The following MOB3B variants were observed in gnomAD, a reference collection of about 807,000 sequenced individuals.
MOB3B encodes MOB kinase activator-like 2B.
In MOB3B, 7 loss-of-function variants were observed where a neutral mutation model predicts 18.7. The observed-to-expected ratio is 0.37, with a 90% CI of 0.21 to 0.70. MOB3B has a LOEUF of 0.70. MOB3B is among the 30% of genes least tolerant of loss of function. The pLI is 0.52. For synonymous variants in MOB3B, 111 were observed against 99.9 expected, an observed-to-expected ratio of 1.11 and a Z score of -0.66; for missense variants, 253 against 281.3, an observed-to-expected ratio of 0.90 and a Z score of 0.72.
At chr9:27,343,719 T>A in intron 3 of MOB3B, among the ~76,000 whole-genome samples, 1 of 147,120 alleles carries the variant, frequency 6.8e-6, no homozygotes, top group Non-Finnish European at 1.5e-5. Context: ...TTTTTTTTTT[T>A]AGCAGTACAG....
At chr9:27,522,242 CAAAA>C (rs1171362204) in intron 1 of MOB3B, among the ~76,000 whole-genome samples, 57 of 56,046 alleles carry the variant, frequency 1.0e-3, no homozygotes, top group African/African-American at 4.1e-3. Flanking sequence ...CCCCGTCTCA[CAAAA>C]AAAAAAAAAA....
At chr9:27,463,311 G>A (rs949914385) in intron 1 of MOB3B, among the ~76,000 whole-genome samples, 3 of 152,100 alleles carry the variant, frequency 2.0e-5, no homozygotes, top group African/African-American at 7.2e-5. Flanking sequence ...TTACGCTTAA[G>A]GAAACTGAGA....
chr9:27,486,615 C>T (rs1044045405), intron 1 of MOB3B, among the ~76,000 whole-genome samples: 1 of 152,216 alleles, frequency 6.6e-6, no homozygotes, highest in East Asian at 1.9e-4. Flanking sequence ...CAAGGGCCCG[C>T]ATTCTGATTA....
intron 3 of MOB3B, among the ~76,000 whole-genome samples, chr9:27,336,353 C>G (rs2131334058): frequency 6.6e-6 from 1 of 152,266 alleles, no homozygotes; most frequent in South Asian, 2.1e-4. Context: ...GCTACCACAG[C>G]AGCATTTCAA....
intron 2 of MOB3B, among the ~76,000 whole-genome samples, chr9:27,370,510 G>GAA (rs956817376): frequency 4.3e-5 from 6 of 140,542 alleles, no homozygotes; most frequent in African/African-American, 1.3e-4. Context: ...CTCCATCTCA[G>GAA]AAAAAAAAAA....
intron 1 of MOB3B, among the ~76,000 whole-genome samples, chr9:27,511,546 G>A (rs777067222): frequency 2.0e-5 from 3 of 152,018 alleles, no homozygotes; most frequent in African/African-American, 7.2e-5. Context: ...AGCAAATGAC[G>A]GTACCATCCT....
intron 1 of MOB3B, among the ~76,000 whole-genome samples, chr9:27,487,479 C>T (rs2131483699): frequency 6.6e-6 from 1 of 152,186 alleles, no homozygotes; most frequent in South Asian, 2.1e-4. Flanking sequence ...GAAACAGACC[C>T]CTATGTGCAC....
intron 2 of MOB3B, among the ~76,000 whole-genome samples, chr9:27,370,240 C>A (rs939121545): frequency 1.3e-5 from 2 of 152,120 alleles, no homozygotes; most frequent in South Asian, 2.1e-4. Flanking sequence ...TGGGCGCGGT[C>A]GCTCAGGCCT....
At chr9:27,472,921 A>G (rs1388127408) in intron 1 of MOB3B, among the ~76,000 whole-genome samples, 1 of 152,234 alleles carries the variant, frequency 6.6e-6, no homozygotes, top group African/African-American at 2.4e-5. Flanking sequence ...TTTAAAAAGA[A>G]GCATCTAAAA....
chr9:27,386,654 T>C (rs995082886), intron 2 of MOB3B, among the ~76,000 whole-genome samples: 1 of 152,228 alleles, frequency 6.6e-6, no homozygotes, highest in African/African-American at 2.4e-5. Flanking sequence ...CCAGTTGTCA[T>C]CACATTCTTG....
chr9:27,344,989 C>T (rs998898999), intron 3 of MOB3B, among the ~76,000 whole-genome samples: 2 of 152,364 alleles, frequency 1.3e-5, no homozygotes, highest in Non-Finnish European at 2.9e-5. Context: ...TCAAGTGAAG[C>T]CAATGACAAA....
intron 1 of MOB3B, among the ~76,000 whole-genome samples, chr9:27,504,203 A>C (rs1820027078): frequency 6.6e-6 from 1 of 152,200 alleles, no homozygotes; most frequent in Non-Finnish European, 1.5e-5. Context: ...GTATTCAGCA[A>C]ACACAAGAGG....
At position 27,395,487 on chromosome 9, in the gene MOB3B, C is replaced by A. The variant is rs565186111; in HGVS notation, c.419-36251G>T. ...AAAAGACTGTTGATAGGTTGGTATG[C>A]CCCAGACAGAGAGAGGCAGGTTCTA... On this transcript the variant is annotated intron_variant, in intron 2 of 3. Transcript: ENST00000262244. 4.6e-5 allele frequency among the ~76,000 whole-genome samples: 7 copies of A among 152,036 alleles called. No homozygotes were observed. In the East Asian group the frequency reaches 1.2e-3, roughly 25 times the overall value.
chr9:27,371,065 T>C (rs558144980), intron 2 of MOB3B, among the ~76,000 whole-genome samples: 4 of 152,330 alleles, frequency 2.6e-5, no homozygotes, highest in Non-Finnish European at 4.4e-5. Context: ...TCGAATTGTA[T>C]TGTACATTTG....
At chr9:27,509,004 A>T (rs1488347400) in intron 1 of MOB3B, among the ~76,000 whole-genome samples, 1 of 152,220 alleles carries the variant, frequency 6.6e-6, no homozygotes, top group Non-Finnish European at 1.5e-5. Flanking sequence ...TGCTGTCGTC[A>T]GTTGGCGATG....
intron 1 of MOB3B, among the ~76,000 whole-genome samples, chr9:27,483,919 A>G (rs1819699191): frequency 6.6e-6 from 1 of 152,194 alleles, no homozygotes; most frequent in Non-Finnish European, 1.5e-5. Context: ...AAAAAGCTAC[A>G]GACTCTGGAA....
intron 3 of MOB3B, among the ~76,000 whole-genome samples, chr9:27,334,212 A>C (rs1328725336): frequency 2.0e-5 from 3 of 152,232 alleles, no homozygotes; most frequent in Admixed American, 6.5e-5. Context: ...AAAAAATATA[A>C]AGAAAAATAT....
intron 1 of MOB3B, among the ~76,000 whole-genome samples, chr9:27,500,340 C>A (rs1587260984): frequency 6.6e-6 from 1 of 151,988 alleles, no homozygotes. Flanking sequence ...AAACAAGTGT[C>A]CTCACTTAGA....
At chr9:27,357,699 T>A (rs893862834) in intron 3 of MOB3B, among the ~76,000 whole-genome samples, 3 of 151,670 alleles carry the variant, frequency 2.0e-5, no homozygotes, top group African/African-American at 7.3e-5. Flanking sequence ...GGGATGAGTA[T>A]AACAAATTCT....
Sources: gnomAD v4.1 joint callset for allele counts (sites outside exome capture counted in the v4.1 genomes callset) on GRCh38, gnomAD v4.1.1 for gene constraint, MANE v1.5 for transcripts, NCBI Gene and HGNC (gene_info 2026-07-23, HGNC 2026-07-21) for gene names.